NPAS2: variants seen among roughly 807,000 people sequenced by gnomAD.
NPAS2 encodes neuronal PAS domain protein 2, also known as neuronal PAS domain-containing protein 2.
In NPAS2, 23 loss-of-function variants were observed where a neutral mutation model predicts 107.5. The observed-to-expected ratio is 0.21, with a 90% CI of 0.15 to 0.30. The LOEUF (loss-of-function observed/expected upper bound fraction) is 0.30. Among genes scored for constraint, NPAS2 ranks in the 10% least tolerant of loss-of-function variants. The pLI, the probability that NPAS2 is intolerant of heterozygous loss-of-function variation, is 1.00. For synonymous variants in NPAS2, 403 were observed against 417.5 expected (o/e 0.97, Z 0.42); for missense variants, 756 against 1,043.3 (o/e 0.72, Z 3.79).
chr2:100,843,144 G>T (rs1032797884), intron 1 of NPAS2, among the ~76,000 whole-genome samples: 1 of 151,914 alleles, frequency 6.6e-6, no homozygotes, highest in African/African-American at 2.4e-5. Flanking sequence ...GCTTGAACCC[G>T]GGAGGCGGAG....
chr2:100,953,593 G>A (rs532314860), intron 7 of NPAS2, among the ~76,000 whole-genome samples: 3 of 152,206 alleles, frequency 2.0e-5, no homozygotes, highest in East Asian at 3.9e-4. Flanking sequence ...TGTAATCCTC[G>A]CCACAGCCTT....
rs964502992 is a variant in NPAS2, at chr2:100,976,312, A to C, written c.1392+745A>C. Among the ~76,000 whole-genome samples the C allele has an allele frequency of 6.6e-6, 1 of 152,048 alleles. No individual in the cohort carries two copies. Among genetic ancestry groups the C allele is most frequent in the Non-Finnish European group, 1.5e-5 (1 of 68,012 alleles). On this transcript the variant is annotated intron_variant, in intron 14 of 20. Coordinates refer to ENST00000335681, the MANE Select transcript of NPAS2 (RefSeq NM_002518.4). This position sits in a 1 kb window ranked among gnomAD's most constrained non-coding sequence, Gnocchi z 4.1. ...CTGAGGCCATCCGTCATTGACTTGC[A>C]TGGGCCTCTCAAGCCTTAGGCTTCT...
chr2:100,835,414 G>A (rs969821650), intron 1 of NPAS2, among the ~76,000 whole-genome samples: 13 of 152,146 alleles, frequency 8.5e-5, no homozygotes, highest in African/African-American at 3.1e-4. Context: ...GTCACTGTGC[G>A]GCGGCTGGGT....
rs1678423779 is a variant in NPAS2 at position 100,995,927 on chromosome 2, C to T, written c.*345C>T. 4 of 1,400,408 alleles carry T rather than the reference C, an allele frequency of 2.9e-6. No individual in the cohort carries two copies. Among genetic ancestry groups the T allele is most frequent in the Non-Finnish European group, 1.9e-6 (2 of 1,059,482 alleles). 86.7% of individuals were successfully genotyped at this position (1,400,408 alleles called of 1,614,324 possible). ...AGAGTACACCGGTTGCTCTAGCCAC[C>T]TGCGGCCCGCCCATCTGCGCTAGCT... On this transcript the variant is annotated 3_prime_UTR_variant, in exon 21 of 21. Transcript: ENST00000335681.
intron 5 of NPAS2, among the ~76,000 whole-genome samples, chr2:100,942,506 C>G (rs1295393852): frequency 1.3e-5 from 2 of 152,142 alleles, no homozygotes; most frequent in Non-Finnish European, 2.9e-5. Flanking sequence ...TTAAAAGATT[C>G]CAGGCCTCTA....
intron 11 of NPAS2, among the ~76,000 whole-genome samples, chr2:100,969,572 GA>G (rs1223196969): frequency 6.6e-6 from 1 of 151,698 alleles, no homozygotes; most frequent in Non-Finnish European, 1.5e-5. Context: ...CATAAAATTA[GA>G]AAAACCTACT....
chr2:100,878,383 T>G, intron 1 of NPAS2: 1 of 985,398 alleles, frequency 1.0e-6, no homozygotes, highest in Non-Finnish European at 1.2e-6. Flanking sequence ...TGGAAGCAGC[T>G]GAGGACCTGG....
chr2:100,899,442 C>T (rs191242112), intron 1 of NPAS2, among the ~76,000 whole-genome samples: 2 of 152,138 alleles, frequency 1.3e-5, no homozygotes, highest in Admixed American at 6.5e-5. Flanking sequence ...AGGCTGGTCT[C>T]GAACTCCTGA....
chr2:100,896,432 T>G (rs1425360770), intron 1 of NPAS2, among the ~76,000 whole-genome samples: 1 of 152,210 alleles, frequency 6.6e-6, no homozygotes, highest in Non-Finnish European at 1.5e-5. Context: ...TTAGCCTTGC[T>G]GGGGGGTGGT....
chr2:100,901,729 AG>A, intron 1 of NPAS2: 1 of 168,184 alleles, frequency 5.9e-6, no homozygotes, highest in Non-Finnish European at 1.2e-5. Flanking sequence ...TTCCCCTTAC[AG>A]GTGTTCACAG....
chr2:100,939,068 C>T (rs1168281276), intron 5 of NPAS2, among the ~76,000 whole-genome samples: 1 of 152,158 alleles, frequency 6.6e-6, no homozygotes, highest in Non-Finnish European at 1.5e-5. Flanking sequence ...CCATGGGCAG[C>T]TTCCATCTGC....
chr2:100,884,442 C>T (rs1680571349), intron 1 of NPAS2, among the ~76,000 whole-genome samples: 1 of 152,192 alleles, frequency 6.6e-6, no homozygotes. Flanking sequence ...ACTAGCCCCA[C>T]CATCTCTGAT....
chr2:100,954,155 G>C (rs746224885), intron 7 of NPAS2, among the ~76,000 whole-genome samples: 2 of 152,170 alleles, frequency 1.3e-5, no homozygotes, highest in Non-Finnish European at 2.9e-5. Flanking sequence ...TAATTATCTG[G>C]TGTCTGCCCG....
intron 1 of NPAS2, chr2:100,878,095 T>C (rs1680100450): frequency 1.9e-5 from 19 of 985,246 alleles, no homozygotes; most frequent in African/African-American, 3.5e-5. Flanking sequence ...CATTCCCCTA[T>C]GTCCACGGAA....
At chr2:100,995,345 G>A (rs1212553140) in intron 20 of NPAS2, 55 bp from the exon 21 acceptor site, 46 of 1,513,956 alleles carry the variant, frequency 3.0e-5, no homozygotes, top group Non-Finnish European at 4.2e-5. Flanking sequence ...TTGTAAGACA[G>A]TTGAGGAGCG....
chr2:100,899,895 G>A (rs953384192), intron 1 of NPAS2, among the ~76,000 whole-genome samples: 32 of 152,136 alleles, frequency 2.1e-4, no homozygotes, highest in Admixed American at 9.2e-4. Context: ...TATTGGGGGC[G>A]TGGTGGGGGT....
At chr2:100,902,473 G>C (rs182148300) in intron 1 of NPAS2, among the ~76,000 whole-genome samples, 1 of 152,316 alleles carries the variant, frequency 6.6e-6, no homozygotes, top group African/African-American at 2.4e-5. Flanking sequence ...GCCAAATACT[G>C]TCTGGTTGCA....
rs576889555 is a variant in NPAS2 at position 100,969,743 on chromosome 2, G to A, written c.1056-1247G>A. 1.5e-4 allele frequency among the ~76,000 whole-genome samples: 23 copies of A among 152,156 alleles called. 1 individual carries two copies. In the South Asian group the frequency reaches 4.1e-3, roughly 27 times the overall value. ...GCCTACCATACACCTTGGCTATACC[G>A]TATAGTGTATTGTTCCTAGGCTACA... On this transcript the variant is annotated intron_variant, in intron 11 of 20. Transcript: ENST00000335681.
rs1361258674 is a variant in NPAS2 at position 100,846,967 on chromosome 2, C to T, written c.-23+26553C>T. On this transcript the variant is annotated intron_variant, in intron 1 of 20. Coordinates refer to ENST00000335681, the MANE Select transcript of NPAS2 (RefSeq NM_002518.4). ...AAGATTCCATTGCATGTTGTCAAGG[C>T]GCTTAGTTTCTCTCTTGTGTCTCCC... 6 of 152,126 alleles carry T rather than the reference C, an allele frequency of 3.9e-5. 1 individual carries two copies. The highest frequency in any genetic ancestry group is 2.1e-4 in the South Asian group (1 of 4,812). 9.4% of individuals were successfully genotyped at this position (152,126 alleles called of 1,614,324 possible). A position where few individuals can be genotyped will look rare whatever the true frequency, so the allele number is the denominator to read the frequency against.
Sources: gnomAD v4.1 joint callset for allele counts (sites outside exome capture counted in the v4.1 genomes callset) on GRCh38, gnomAD v4.1.1 for gene constraint, Gnocchi (gnomAD v3.1) non-coding constraint, MANE v1.5 for transcripts, NCBI Gene and HGNC (gene_info 2026-07-23, HGNC 2026-07-21) for gene names.